Variants in CENPE observed in about 807,000 individuals in gnomAD.
CENPE encodes the protein centromere protein E, also known as centromere-associated protein E.
A neutral mutation model predicts 336.1 loss-of-function variants in CENPE; 145 were observed. The ratio of observed to expected loss-of-function variants is 0.43; its 90% CI spans 0.38 to 0.50. CENPE has a LOEUF of 0.50. CENPE is among the 20% of genes least tolerant of loss of function. The probability of loss-of-function intolerance (pLI) is 0.00; values close to 1 mark genes in which losing one functional copy is unlikely to be tolerated. For missense variants in CENPE, 2,719 were observed against 3,023.3 expected, an observed-to-expected ratio of 0.90 and a Z score of 2.36; for synonymous variants, 1,013 against 984.8, an observed-to-expected ratio of 1.03 and a Z score of -0.54.
chr4:103,145,890 T>G lies in CENPE; in HGVS notation c.4352A>C (p.Gln1451Pro), dbSNP rs1294032575. 5.0e-6 allele frequency: 8 copies of G among 1,613,714 alleles called. No individual in the cohort carries two copies. The highest frequency in any genetic ancestry group is 6.8e-6 in the Non-Finnish European group (8 of 1,179,878). The change falls in exon 30 of 49, where the codon CAA becomes CCA. Residue 1451 changes from glutamine to proline, a missense_variant. By Grantham distance (76) the Gln-to-Pro change is moderately conservative. Coordinates refer to ENST00000265148, the MANE Select transcript of CENPE (RefSeq NM_001813.3). ...AKEKDDLQRL[Q>P]EVLQSESDQL... ...GTCACTTTCAGATTGAAGAACTTCT[T>G]GCAGCCTCTGTAGGTCATCTTTCTC...
intron 9 of CENPE, 111 bp from the exon 10 acceptor site, chr4:103,183,399 G>T: frequency 1.2e-6 from 1 of 802,810 alleles, no homozygotes; most frequent in Non-Finnish European, 2.0e-6. Context: ...TAAAGTCTAT[G>T]CTCTGGTTTA....
At chr4:103,191,634 A>C (rs556645840) in intron 8 of CENPE, among the ~76,000 whole-genome samples, 1 of 110,752 alleles carries the variant, frequency 9.0e-6, no homozygotes, top group East Asian at 3.3e-4. Context: ...AACATCACAC[A>C]CCGGGGCCTG....
chr4:103,122,967 C>T lies in CENPE; in HGVS notation c.7047G>A (p.Leu2349=). 6.2e-7 allele frequency: 1 copy of T among 1,613,866 alleles called. No individual in the cohort carries two copies. The change falls in exon 43 of 49, where the codon TTG becomes TTA. Residue 2349 remains leucine, a synonymous_variant. Coordinates refer to ENST00000265148, the MANE Select transcript of CENPE (RefSeq NM_001813.3). ...NEKLFKNYQT[L]KTSLASGAQV... ...GGGCACCAGATGCCAAGGAAGTCTT[C>T]AATGTTTGGTAGTTTTTAAATAGTT...
chr4:103,158,711 G>C lies in CENPE; in HGVS notation c.2777C>G (p.Thr926Ser). 2 of 1,612,872 alleles carry C rather than the reference G, an allele frequency of 1.2e-6. No homozygotes were observed. The highest frequency in any genetic ancestry group is 1.7e-6 in the Non-Finnish European group (2 of 1,179,324). Residue 926 changes from threonine to serine, a missense_variant, in exon 23 of 49, where the codon ACT becomes AGT. Physicochemically the swap from Thr to Ser is moderately conservative, Grantham distance 58. Coordinates refer to ENST00000265148, the MANE Select transcript of CENPE (RefSeq NM_001813.3). ...TAGATCATCTTTTTCTTGAGTTAAA[G>C]TTTTTACTTCTTCTAAAGTTTGCTG... is the stretch of plus-strand genomic sequence containing the variant. ...KLQQTLEEVK[T>S]LTQEKDDLKQ...
chr4:103,179,157 CCAAA>C (rs1386867832), intron 13 of CENPE, among the ~76,000 whole-genome samples: 1 of 152,176 alleles, frequency 6.6e-6, no homozygotes, highest in Non-Finnish European at 1.5e-5. Flanking sequence ...CCCTCAACAT[CCAAA>C]CAATCACAAA....
intron 18 of CENPE, among the ~76,000 whole-genome samples, chr4:103,162,739 T>G (rs1754561308): frequency 6.6e-6 from 1 of 152,036 alleles, no homozygotes; most frequent in Non-Finnish European, 1.5e-5. Context: ...TTGTATATTT[T>G]GTACAGACCA....
rs755467042 is a variant in CENPE, at chr4:103,122,921, C to G, written c.7093G>C (p.Asp2365His). 1 of 1,613,862 alleles carries G rather than the reference C, an allele frequency of 6.2e-7. No individual in the cohort carries two copies. The highest frequency in any genetic ancestry group is 1.1e-5 in the South Asian group (1 of 91,070). The stretch of plus-strand genomic sequence containing the variant: ...GATGTAACATGAGGATTCTTATTGT[C>G]TTGTGTGGTAGGATTAACCTGGGCA... The part of the protein sequence containing the change: ...SGAQVNPTTQ[D>H]NKNPHVTSRA... The change falls in exon 43 of 49, where the codon GAC becomes CAC. Residue 2365 changes from aspartate (D) to histidine (H), a missense_variant. Asp to His is a moderately conservative substitution (Grantham distance 81, BLOSUM62 -1). Around this residue, in one of 5 missense-constraint regions of CENPE, gnomAD observed 2,437 missense variants for 2,513.3 expected, o/e 0.97. Transcript: ENST00000265148.
At chr4:103,149,035 C>A in intron 27 of CENPE, 36 bp from the exon 28 acceptor site, 1 of 1,600,300 alleles carries the variant, frequency 6.2e-7, no homozygotes, top group Non-Finnish European at 8.5e-7. Flanking sequence ...TTGTAATATT[C>A]TTCCAACATT....
chr4:103,153,686 T>C (rs142853724), intron 24 of CENPE, among the ~76,000 whole-genome samples: 8 of 152,320 alleles, frequency 5.3e-5, no homozygotes, highest in African/African-American at 1.9e-4. Flanking sequence ...ACATCTTCCA[T>C]AAATATTTTC....
intron 39 of CENPE, among the ~76,000 whole-genome samples, chr4:103,137,306 C>G (rs761639162): frequency 6.6e-6 from 1 of 152,094 alleles, no homozygotes; most frequent in Non-Finnish European, 1.5e-5. Flanking sequence ...GACCCATAGA[C>G]TCAAGTGACT....
chr4:103,122,334 G>A (rs1032437955), intron 43 of CENPE, among the ~76,000 whole-genome samples: 7 of 152,272 alleles, frequency 4.6e-5, no homozygotes, highest in South Asian at 2.1e-4. Context: ...TTAGATTCCC[G>A]AGTAAGGGTA....
rs11724466 is a variant in CENPE, at chr4:103,111,981, C to T, written c.7541-970G>A. 3.3e-5 allele frequency among the ~76,000 whole-genome samples: 5 copies of T among 151,164 alleles called. No individual in the cohort carries two copies. The East Asian group carries it at 5.8e-4, about 18-fold the overall frequency. ...TTTGATCTTTATGTACGTGTGTGTG[C>T]GTGTGCATGTATATAAATAAGTGTA... On this transcript the variant is annotated intron_variant, in intron 46 of 48. Transcript: ENST00000265148.
chr4:103,176,860 TTATAATTAAA>T lies in CENPE; in HGVS notation c.1390+29_1390+38del, dbSNP rs755682451. 180 of 1,478,354 alleles carry T rather than the reference TTATAATTAAA, an allele frequency of 1.2e-4. 4 individuals carry two copies. In the South Asian group the frequency reaches 2.2e-3, roughly 18 times the overall value. The allele number at this position is 1,478,354 out of a possible 1,614,324, so 91.6% of individuals were successfully genotyped here. ...ATAGTTTCTCTTTATAAGGATGCTT[TTATAATTAAA>T]CATAGTTCCACTTGAAAAAAGCACT... On this transcript the variant is annotated intron_variant, in intron 14 of 48. Coordinates refer to ENST00000265148, the MANE Select transcript of CENPE (RefSeq NM_001813.3).
At position 103,174,852 on chromosome 4, in the gene CENPE, C is replaced by T. The variant is rs774240954; in HGVS notation, c.1531G>A (p.Val511Ile). The change falls in exon 16 of 49, where the codon GTA (valine) becomes ATA (isoleucine). Residue 511 changes from valine to isoleucine, a missense_variant. Val to Ile is a conservative substitution (Grantham distance 29, BLOSUM62 3). Around this residue, in one of 5 missense-constraint regions of CENPE, gnomAD observed 2,437 missense variants for 2,513.3 expected, o/e 0.97. Transcript: ENST00000265148. Reference protein sequence around the residue: ...NSLRADYDNLVLDYEQLRTEK... With the variant: ...NSLRADYDNLILDYEQLRTEK... The stretch of plus-strand genomic sequence containing the variant: ...GTTCGTAGTTGTTCATAGTCTAATA[C>T]CAGATTATCATAGTCAGCACGAAGT... 2.0e-6 allele frequency: 3 copies of T among 1,531,310 alleles called. No homozygotes were observed. The highest frequency in any genetic ancestry group is 1.3e-5 in the South Asian group (1 of 78,616). 94.9% of individuals were successfully genotyped at this position (1,531,310 alleles called of 1,614,324 possible).
chr4:103,195,583 C>G (rs1398584150), intron 4 of CENPE, among the ~76,000 whole-genome samples: 1 of 152,036 alleles, frequency 6.6e-6, no homozygotes, highest in Non-Finnish European at 1.5e-5. Flanking sequence ...TTACCTACAT[C>G]CACTTTCTAC....
chr4:103,190,375 C>T (rs1757191615), intron 8 of CENPE, among the ~76,000 whole-genome samples: 1 of 152,192 alleles, frequency 6.6e-6, no homozygotes, highest in East Asian at 1.9e-4. Context: ...AGGCATCATG[C>T]TACCTGACTT....
chr4:103,157,401 T>C (rs567741684), intron 24 of CENPE, among the ~76,000 whole-genome samples: 36 of 152,110 alleles, frequency 2.4e-4, no homozygotes, highest in Non-Finnish European at 3.5e-4. Flanking sequence ...TAATGGAAAT[T>C]TACTCATAAA....
In CENPE at chr4:103,141,106, TTAAGA is replaced by T; in HGVS notation, c.5464-7_5464-3del. On this transcript the variant is annotated splice_region_variant and splice_polypyrimidine_tract_variant and intron_variant, in intron 35 of 48. Coordinates refer to ENST00000265148, the MANE Select transcript of CENPE (RefSeq NM_001813.3). ...TTCATTTGCCTTAAGTTCTTGAATC[TTAAGA>T]TAATCATAAAATAATATGTTAGGTG... The T allele has an allele frequency of 2.0e-6, 3 of 1,493,826 alleles. No homozygotes were observed. The highest frequency in any genetic ancestry group is 2.7e-6 in the Non-Finnish European group (3 of 1,100,028). 92.5% of individuals were successfully genotyped at this position (1,493,826 alleles called of 1,614,324 possible). A position where few individuals can be genotyped will look rare whatever the true frequency, so the allele number is the denominator to read the frequency against.
intron 26 of CENPE, 114 bp downstream of exon 26, chr4:103,151,105 A>C: frequency 1.1e-6 from 1 of 884,944 alleles, no homozygotes. Flanking sequence ...GCATTGAAAT[A>C]TGTTCATTTG....
Sources: allele counts gnomAD v4.1 joint callset (sites outside exome capture counted in the v4.1 genomes callset), GRCh38; gene constraint gnomAD v4.1.1; regional missense constraint gnomAD v4.1.1; transcripts MANE v1.5; gene names NCBI Gene and HGNC (gene_info 2026-07-23, HGNC 2026-07-21).